LPAR1: variants seen among roughly 807,000 people sequenced by gnomAD.
LPAR1 encodes the protein LPA receptor 1.
A neutral mutation model predicts 23.8 loss-of-function variants in LPAR1; 5 were observed. The ratio of observed to expected loss-of-function variants is 0.21; its 90% CI spans 0.11 to 0.44. The LOEUF (loss-of-function observed/expected upper bound fraction) is 0.44, where lower values mean the gene tolerates loss of function less well. Among genes scored for constraint, LPAR1 ranks in the 20% least tolerant of loss-of-function variants. The pLI is 0.99. For synonymous variants in LPAR1, 160 were observed against 164.7 expected (o/e 0.97, Z 0.22); for missense variants, 311 against 482.8 (o/e 0.64, Z 3.33).
At chr9:110,918,932 C>T (rs2093411386) in intron 5 of LPAR1, among the ~76,000 whole-genome samples, 1 of 151,740 alleles carries the variant, frequency 6.6e-6, no homozygotes, top group Non-Finnish European at 1.5e-5. Flanking sequence ...CTATGGTGGA[C>T]ACACCCTAAG....
At chr9:110,916,609 T>TTAC (rs1483774563) in intron 5 of LPAR1, among the ~76,000 whole-genome samples, 3 of 151,686 alleles carry the variant, frequency 2.0e-5, no homozygotes, top group Non-Finnish European at 4.4e-5. Context: ...ACCATTATTA[T>TTAC]TATGCAGAAA....
At chr9:110,898,546 T>C (rs930140128) in intron 5 of LPAR1, among the ~76,000 whole-genome samples, 2 of 152,174 alleles carry the variant, frequency 1.3e-5, no homozygotes, top group Admixed American at 6.5e-5. Context: ...ATTTAAAATG[T>C]TTCAAAAGTT....
At chr9:110,896,080 T>C (rs186362672) in intron 5 of LPAR1, among the ~76,000 whole-genome samples, 1 of 152,334 alleles carries the variant, frequency 6.6e-6, no homozygotes, top group Admixed American at 6.5e-5. Context: ...ACCAGTAAAG[T>C]GCTCGCTTCC....
rs528918450 is a variant in LPAR1 at position 110,887,894 on chromosome 9, A to C, written c.794-12172T>G. On this transcript the variant is annotated intron_variant, in intron 5 of 5. Coordinates refer to ENST00000683809, the MANE Select transcript of LPAR1 (RefSeq NM_001351411.2). ...CTACAGATATATTTACACACAATACAATTATGCATGTGCAAAGATTTGCAG... is the reference window on the plus strand; with the variant it reads ...CTACAGATATATTTACACACAATACCATTATGCATGTGCAAAGATTTGCAG... Among the ~76,000 whole-genome samples, 39 of 152,336 alleles carry C rather than the reference A, an allele frequency of 2.6e-4. No homozygotes were observed. The South Asian group carries it at 8.1e-3, about 32-fold the overall frequency.
At chr9:110,911,913 C>T (rs2092489649) in intron 5 of LPAR1, among the ~76,000 whole-genome samples, 1 of 152,148 alleles carries the variant, frequency 6.6e-6, no homozygotes, top group Non-Finnish European at 1.5e-5. Flanking sequence ...TCAGAATTAA[C>T]ACTTATAATA....
At chr9:110,944,194 G>C (rs774676693) in intron 4 of LPAR1, among the ~76,000 whole-genome samples, 1 of 151,978 alleles carries the variant, frequency 6.6e-6, no homozygotes, top group Admixed American at 6.6e-5. Context: ...TCTGAGGTAG[G>C]GTCCCAAGTA....
intron 5 of LPAR1, among the ~76,000 whole-genome samples, chr9:110,891,133 T>C (rs2084030906): frequency 6.6e-6 from 1 of 152,142 alleles, no homozygotes; most frequent in South Asian, 2.1e-4. Flanking sequence ...TGCCTGCTTG[T>C]TAATAGAAAA....
chr9:111,026,294 G>A (rs2097690288), intron 2 of LPAR1, among the ~76,000 whole-genome samples: 1 of 152,150 alleles, frequency 6.6e-6, no homozygotes, highest in Admixed American at 6.5e-5. Context: ...TAGCAATTGT[G>A]AATGGGAGTT....
chr9:111,005,765 T>A (rs935531186), intron 2 of LPAR1, among the ~76,000 whole-genome samples: 1 of 152,054 alleles, frequency 6.6e-6, no homozygotes, highest in African/African-American at 2.4e-5. Context: ...TTAAAATGCC[T>A]TCTTCCACTG....
intron 5 of LPAR1, among the ~76,000 whole-genome samples, chr9:110,898,757 TAACTA>T (rs1047405531): frequency 1.8e-4 from 28 of 152,248 alleles, no homozygotes; most frequent in African/African-American, 6.0e-4. Flanking sequence ...AATCTCTGGC[TAACTA>T]AACTAGAATT....
At chr9:110,924,211 A>G (rs1379462900) in intron 5 of LPAR1, among the ~76,000 whole-genome samples, 2 of 147,850 alleles carry the variant, frequency 1.4e-5, no homozygotes, top group African/African-American at 5.0e-5. Flanking sequence ...ATCATAAGAG[A>G]TATTTATCTT....
intron 4 of LPAR1, among the ~76,000 whole-genome samples, chr9:110,964,222 C>T (rs549274172): frequency 6.6e-6 from 1 of 152,202 alleles, no homozygotes; most frequent in East Asian, 1.9e-4. Flanking sequence ...GTGGAATTGC[C>T]TTTTTAAACC....
At chr9:110,919,862 G>C (rs775680991) in intron 5 of LPAR1, among the ~76,000 whole-genome samples, 37 of 152,112 alleles carry the variant, frequency 2.4e-4, no homozygotes, top group Non-Finnish European at 3.5e-4. Flanking sequence ...AGCCACCAGA[G>C]AGTCCTCTTT....
In LPAR1 at chr9:110,972,204, T is replaced by A. The variant is rs2096446206; in HGVS notation, c.-87A>T. ...TTTGCTGATCAGATCGAAGTCATGCTAGGAGAAGCTGTGTACCTGGAAAAC... is the reference window on the plus strand; with the variant it reads ...TTTGCTGATCAGATCGAAGTCATGCAAGGAGAAGCTGTGTACCTGGAAAAC... On this transcript the variant is annotated 5_prime_UTR_variant, in exon 4 of 6. Transcript: ENST00000683809. 6.8e-6 allele frequency: 8 copies of A among 1,182,810 alleles called. No individual in the cohort carries two copies. The highest frequency in any genetic ancestry group is 1.0e-5 in the Non-Finnish European group (8 of 789,734). The allele number at this position is 1,182,810 out of a possible 1,614,324, so 73.3% of individuals were successfully genotyped here. A position where few individuals can be genotyped will look rare whatever the true frequency, so the allele number is the denominator to read the frequency against.
chr9:110,966,287 T>G (rs1438738182), intron 4 of LPAR1, among the ~76,000 whole-genome samples: 1 of 152,132 alleles, frequency 6.6e-6, no homozygotes, highest in Non-Finnish European at 1.5e-5. Context: ...AAGACCAGCC[T>G]GGCCAACATA....
chr9:111,015,561 G>T (rs542817641), intron 2 of LPAR1, among the ~76,000 whole-genome samples: 2 of 152,224 alleles, frequency 1.3e-5, no homozygotes, highest in East Asian at 3.9e-4. Context: ...AGAACAGTGG[G>T]GTGGGAGATA....
intron 5 of LPAR1, among the ~76,000 whole-genome samples, chr9:110,920,080 G>A (rs1327874978): frequency 6.6e-6 from 1 of 152,144 alleles, no homozygotes; most frequent in African/African-American, 2.4e-5. Flanking sequence ...CCAAAGGCCA[G>A]GCTATTCAGC....
rs143104816 is a variant in LPAR1, at chr9:110,991,679, G to A, written c.-181-18121C>T. 1.9e-3 allele frequency among the ~76,000 whole-genome samples: 287 copies of A among 152,104 alleles called. 3 individuals carry two copies. Among genetic ancestry groups the A allele is most frequent in the Middle Eastern group, 0.017 (5 of 294 alleles). On this transcript the variant is annotated intron_variant, in intron 2 of 5. Coordinates refer to ENST00000683809, the MANE Select transcript of LPAR1 (RefSeq NM_001351411.2). ...GCTGGAGTGCAATGGCACGATCTTG[G>A]CTCACTGCAACCTCCGCCTCCCAGG...
At chr9:110,900,196 G>A (rs1006479539) in intron 5 of LPAR1, among the ~76,000 whole-genome samples, 1 of 152,194 alleles carries the variant, frequency 6.6e-6, no homozygotes, top group East Asian at 1.9e-4. Flanking sequence ...TAGCAGGGCT[G>A]TAATTCTTTC....
Sources: gnomAD v4.1 joint callset for allele counts (sites outside exome capture counted in the v4.1 genomes callset) on GRCh38, gnomAD v4.1.1 for gene constraint, MANE v1.5 for transcripts, NCBI Gene and HGNC (gene_info 2026-07-23, HGNC 2026-07-21) for gene names.